Variants in GRID2 observed in about 807,000 individuals in gnomAD.
GRID2 encodes glutamate ionotropic receptor delta type subunit 2.
In GRID2, 33 loss-of-function variants were observed where a neutral mutation model predicts 114.8. The observed-to-expected ratio is 0.29, with a 90% CI of 0.22 to 0.38. GRID2 has a LOEUF of 0.38. Ranked by LOEUF, GRID2 falls within the 10% of genes least tolerant of loss-of-function variation. The probability of loss-of-function intolerance (pLI) is 1.00; values close to 1 mark genes in which losing one functional copy is unlikely to be tolerated. For synonymous variants in GRID2, 505 were observed against 449.9 expected, an observed-to-expected ratio of 1.12 and a Z score of -1.55; for missense variants, 1,184 against 1,257.7, an observed-to-expected ratio of 0.94 and a Z score of 0.89.
At chr4:93,218,013 G>T (rs1251411997) in intron 6 of GRID2, among the ~76,000 whole-genome samples, 1 of 151,228 alleles carries the variant, frequency 6.6e-6, no homozygotes, top group Non-Finnish European at 1.5e-5. Flanking sequence ...GATAAATAAG[G>T]TGCTTTTGCA....
At chr4:93,013,396 T>A (rs2149235203) in intron 2 of GRID2, among the ~76,000 whole-genome samples, 1 of 152,112 alleles carries the variant, frequency 6.6e-6, no homozygotes, top group African/African-American at 2.4e-5. Context: ...TTAGTTAATA[T>A]TCCATGTGCG....
At chr4:92,736,258 A>G (rs1457812302) in intron 2 of GRID2, among the ~76,000 whole-genome samples, 1 of 152,078 alleles carries the variant, frequency 6.6e-6, no homozygotes, top group Non-Finnish European at 1.5e-5. Flanking sequence ...AGGCCTGTGG[A>G]TGACAGAAGA....
intron 13 of GRID2, among the ~76,000 whole-genome samples, chr4:93,580,520 A>T (rs1262423138): frequency 1.3e-5 from 2 of 152,222 alleles, no homozygotes; most frequent in African/African-American, 4.8e-5. Flanking sequence ...TAGCTATGAA[A>T]GTTGACTGTT....
At chr4:92,451,829 C>T (rs1049014090) in intron 1 of GRID2, among the ~76,000 whole-genome samples, 3 of 152,100 alleles carry the variant, frequency 2.0e-5, no homozygotes, top group Non-Finnish European at 4.4e-5. Flanking sequence ...TCAAAAGAGC[C>T]TAAGTATTCA....
At chr4:92,776,861 T>C (rs961612923) in intron 2 of GRID2, among the ~76,000 whole-genome samples, 1 of 151,974 alleles carries the variant, frequency 6.6e-6, no homozygotes, top group African/African-American at 2.4e-5. Flanking sequence ...ATGCCCCTGA[T>C]AAGAACTAAA....
chr4:92,879,591 C>A (rs868137994), intron 2 of GRID2, among the ~76,000 whole-genome samples: 2 of 152,326 alleles, frequency 1.3e-5, no homozygotes, highest in Non-Finnish European at 1.5e-5. Flanking sequence ...GCAAGGGAAC[C>A]ATTGTCATTT....
At chr4:93,499,536 C>T (rs930361280) in intron 12 of GRID2, among the ~76,000 whole-genome samples, 3 of 151,884 alleles carry the variant, frequency 2.0e-5, no homozygotes, top group Admixed American at 6.6e-5. Flanking sequence ...GCATGCCTCT[C>T]TGGAGCTTTA....
At chr4:92,668,609 T>C (rs1348251954) in intron 2 of GRID2, among the ~76,000 whole-genome samples, 1 of 151,858 alleles carries the variant, frequency 6.6e-6, no homozygotes, top group Non-Finnish European at 1.5e-5. Context: ...TTCCTGCTTC[T>C]ATCACAAAAC....
intron 14 of GRID2, among the ~76,000 whole-genome samples, chr4:93,692,629 T>A (rs1305654105): frequency 1.3e-5 from 2 of 152,182 alleles, no homozygotes; most frequent in Non-Finnish European, 2.9e-5. Flanking sequence ...ATTGTGTAAA[T>A]AATTTCTAGT....
At chr4:92,550,363 T>G (rs1022575412) in intron 1 of GRID2, among the ~76,000 whole-genome samples, 6 of 152,172 alleles carry the variant, frequency 3.9e-5, no homozygotes, top group African/African-American at 1.2e-4. Flanking sequence ...TAGTTTATAA[T>G]AGTATGTTAA....
chr4:93,780,419 T>G (rs1276244087), intron 1 of GRID2, among the ~76,000 whole-genome samples: 3 of 152,100 alleles, frequency 2.0e-5, no homozygotes, highest in Non-Finnish European at 4.4e-5. Flanking sequence ...CGCTAAGAGG[T>G]AACAAATGGC....
intron 2 of GRID2, among the ~76,000 whole-genome samples, chr4:92,862,607 C>T (rs1182530797): frequency 6.6e-6 from 1 of 152,016 alleles, no homozygotes; most frequent in Non-Finnish European, 1.5e-5. Flanking sequence ...TGTGCCATCA[C>T]CAACTATAAC....
intron 2 of GRID2, among the ~76,000 whole-genome samples, chr4:92,868,993 G>A (rs1460120653): frequency 6.6e-6 from 1 of 151,968 alleles, no homozygotes; most frequent in African/African-American, 2.4e-5. Flanking sequence ...TTACATATTA[G>A]GATGATAAGT....
chr4:92,798,302 G>A (rs189306589), intron 2 of GRID2, among the ~76,000 whole-genome samples: 1 of 152,022 alleles, frequency 6.6e-6, no homozygotes, highest in East Asian at 1.9e-4. Flanking sequence ...TGTACCTGAT[G>A]AGCTATTAAA....
chr4:93,746,962 T>C (rs1011805719), intron 14 of GRID2, among the ~76,000 whole-genome samples: 11 of 152,100 alleles, frequency 7.2e-5, no homozygotes, highest in African/African-American at 2.7e-4. Context: ...TTTTTCACTC[T>C]TGTCTTTTTG....
intron 2 of GRID2, among the ~76,000 whole-genome samples, chr4:92,834,150 T>C: frequency 6.6e-6 from 1 of 152,198 alleles, no homozygotes; most frequent in East Asian, 1.9e-4. Context: ...TTTATATTTA[T>C]ATTGCAATGT....
intron 2 of GRID2, among the ~76,000 whole-genome samples, chr4:92,864,689 C>T (rs1357464480): frequency 1.3e-5 from 2 of 152,102 alleles, no homozygotes; most frequent in Non-Finnish European, 2.9e-5. Flanking sequence ...ACTACTAGGC[C>T]TTTCCATCTG....
At chr4:92,949,995 T>A (rs1325948850) in intron 2 of GRID2, among the ~76,000 whole-genome samples, 1 of 152,076 alleles carries the variant, frequency 6.6e-6, no homozygotes. Flanking sequence ...TGCATTTATT[T>A]AGGGCAAAAG....
At chr4:92,553,093 G>C (rs945524577) in intron 1 of GRID2, among the ~76,000 whole-genome samples, 5 of 152,088 alleles carry the variant, frequency 3.3e-5, no homozygotes, top group Admixed American at 3.3e-4. Flanking sequence ...GGTGGGTGGG[G>C]AGCAAGGCTA....
Sources: allele counts gnomAD v4.1 joint callset (sites outside exome capture counted in the v4.1 genomes callset), GRCh38; gene constraint gnomAD v4.1.1; transcripts MANE v1.5; gene names NCBI Gene and HGNC (gene_info 2026-07-23, HGNC 2026-07-21).